The following INKA2 variants were observed in gnomAD, a reference collection of about 807,000 sequenced individuals.
The protein encoded by INKA2 is PAK4-inhibitor INKA2.
In INKA2, 3 loss-of-function variants were observed where a neutral mutation model predicts 9.8. The observed-to-expected ratio is 0.31, with a 90% CI of 0.14 to 0.79. The LOEUF (loss-of-function observed/expected upper bound fraction) is 0.79, where lower values mean the gene tolerates loss of function less well. Among genes scored for constraint, INKA2 ranks in the 30% least tolerant of loss-of-function variants. The probability of loss-of-function intolerance (pLI) is 0.62; values close to 1 mark genes in which losing one functional copy is unlikely to be tolerated. For synonymous variants in INKA2, 147 were observed against 143.3 expected (o/e 1.03, Z -0.18); for missense variants, 392 against 384.4 (o/e 1.02, Z -0.17).
intron 1 of INKA2, among the ~76,000 whole-genome samples, chr1:111,728,026 T>TC (rs79539488): frequency 0.29 from 36,452 of 127,518 alleles, 5,197 homozygotes; most frequent in African/African-American, 0.48. Flanking sequence ...CTGAGAAGGC[T>TC]CCCCCACCCC....
At position 111,726,318 on chromosome 1, in the gene INKA2, C is replaced by T. The variant is rs1177960917; in HGVS notation, c.*650G>A. The stretch of plus-strand genomic sequence containing the variant: ...GACGCGGGGAGTGTCTAGGGCTTCC[C>T]TGGCTGCTCCTTACACACTGTACTC... On this transcript the variant is annotated 3_prime_UTR_variant, in exon 2 of 2. Coordinates refer to ENST00000357260, the MANE Select transcript of INKA2 (RefSeq NM_019099.5). The T allele has an allele frequency of 8.2e-6, 3 of 367,752 alleles. No individual in the cohort carries two copies. The highest frequency in any genetic ancestry group is 3.0e-4 in the South Asian group (2 of 6,734). 22.8% of individuals were successfully genotyped at this position (367,752 alleles called of 1,614,324 possible). A position where few individuals can be genotyped will look rare whatever the true frequency, so the allele number is the denominator to read the frequency against.
At chr1:111,741,334 C>G (rs1663147102), upstream of INKA2, among the ~76,000 whole-genome samples, 1 of 152,156 alleles carries the variant, frequency 6.6e-6, no homozygotes, top group Non-Finnish European at 1.5e-5. Context: ...GGTCGGTGAC[C>G]GCTGGCCAAG....
At chr1:111,728,171 G>A (rs533962731) in intron 1 of INKA2, among the ~76,000 whole-genome samples, 1 of 152,106 alleles carries the variant, frequency 6.6e-6, no homozygotes, top group South Asian at 2.1e-4. Flanking sequence ...AGGTGGGGCT[G>A]AGATCAGCTT....
Position 111,726,729 on chromosome 1 carries a change from A to G in INKA2, c.*239T>C. 2 of 565,310 alleles carry G rather than the reference A, an allele frequency of 3.5e-6. No individual in the cohort carries two copies. The highest frequency in any genetic ancestry group is 3.2e-6 in the Non-Finnish European group (1 of 315,684). 35.0% of individuals were successfully genotyped at this position (565,310 alleles called of 1,614,324 possible). A position where few individuals can be genotyped will look rare whatever the true frequency, so the allele number is the denominator to read the frequency against. ...CACACATGCACACACACACACACAC[A>G]CGCACAGCTCACTCTCCAGCTACTC... is the stretch of plus-strand genomic sequence containing the variant. On this transcript the variant is annotated 3_prime_UTR_variant, in exon 2 of 2. Transcript: ENST00000357260.
intron 1 of INKA2, chr1:111,755,385 A>G: frequency 2.2e-6 from 1 of 446,668 alleles, no homozygotes; most frequent in Non-Finnish European, 4.0e-6. Flanking sequence ...TGGACACACC[A>G]GCCAATGTGG....
At chr1:111,754,698 A>G (rs1663487362) in intron 1 of INKA2, 1 of 152,194 alleles carries the variant, frequency 6.6e-6, no homozygotes, top group Non-Finnish European at 1.5e-5. Flanking sequence ...AGGTCCAGAA[A>G]TATTTAAATT....
intron 1 of INKA2, among the ~76,000 whole-genome samples, chr1:111,728,410 A>C (rs868714168): frequency 6.6e-6 from 1 of 152,218 alleles, no homozygotes; most frequent in African/African-American, 2.4e-5. Flanking sequence ...GTAAGCTGGA[A>C]GGGGTGAAGT....
chr1:111,744,255 C>T (rs916146423), upstream of INKA2: 6 of 152,072 alleles, frequency 3.9e-5, no homozygotes, highest in African/African-American at 1.4e-4. Flanking sequence ...ATAATCACTT[C>T]GGGTTTTAAT....
At position 111,739,115 on chromosome 1, in the gene INKA2, G is replaced by A. The variant is rs1248561767; in HGVS notation, c.57+71C>T. The stretch of plus-strand genomic sequence containing the variant: ...CTGCTTACGTCCCGGCTCCCCGGGG[G>A]CCGGGGCGGAGACCAGGTGCCCGTC... On this transcript the variant is annotated intron_variant, in intron 1 of 1. Coordinates refer to ENST00000357260, the MANE Select transcript of INKA2 (RefSeq NM_019099.5). 5 of 1,469,294 alleles carry A rather than the reference G, an allele frequency of 3.4e-6. No individual in the cohort carries two copies. In the East Asian group the frequency reaches 9.3e-5, roughly 27 times the overall value. 91.0% of individuals were successfully genotyped at this position (1,469,294 alleles called of 1,614,324 possible).
At chr1:111,738,756 C>T (rs1455179285) in intron 1 of INKA2, among the ~76,000 whole-genome samples, 2 of 152,152 alleles carry the variant, frequency 1.3e-5, no homozygotes, top group African/African-American at 4.8e-5. Flanking sequence ...CCCTCCTCCT[C>T]CCCGCGCTCC....
exon 1 of INKA2, chr1:111,755,751 A>G (rs753293565): frequency 1.2e-6 from 2 of 1,613,734 alleles, no homozygotes; most frequent in Non-Finnish European, 1.7e-6. Flanking sequence ...CTCAGGCCAC[A>G]TTTTTTGTGT....
At chr1:111,728,070 C>CACACACACACACACACACACACACACAA (rs1184555425) in intron 1 of INKA2, among the ~76,000 whole-genome samples, 1 of 148,164 alleles carries the variant, frequency 6.7e-6, no homozygotes. Context: ...CACACACACA[C>CACACACACACACACACACACACACACAA]ACAGACATTT....
At chr1:111,749,311 T>C (rs569138448) in intron 1 of INKA2, among the ~76,000 whole-genome samples, 105 of 152,304 alleles carry the variant, frequency 6.9e-4, no homozygotes, top group Non-Finnish European at 1.3e-3. Context: ...TCTGAGCTTC[T>C]GTGGCTCTGT....
upstream of INKA2, chr1:111,739,408 G>C: frequency 6.8e-7 from 1 of 1,469,290 alleles, no homozygotes; most frequent in Non-Finnish European, 9.0e-7. Flanking sequence ...TTCCCCAGCG[G>C]CTAGCCGCGC....
At chr1:111,743,377 A>G (rs1392739692), upstream of INKA2, among the ~76,000 whole-genome samples, 1 of 152,154 alleles carries the variant, frequency 6.6e-6, no homozygotes, top group African/African-American at 2.4e-5. Context: ...CCTGACAGAG[A>G]GGGTGCAGCT....
chr1:111,732,883 T>C (rs1348027626), intron 1 of INKA2, among the ~76,000 whole-genome samples: 1 of 152,180 alleles, frequency 6.6e-6, no homozygotes, highest in African/African-American at 2.4e-5. Context: ...CCCACACTCA[T>C]CTGGAGACCT....
At position 111,722,912 on chromosome 1, in the gene INKA2, C is replaced by A; in HGVS notation, c.*4056G>T. 1.7e-6 allele frequency: 1 copy of A among 580,414 alleles called. No individual in the cohort carries two copies. The highest frequency in any genetic ancestry group is 2.0e-5 in the South Asian group (1 of 49,408). The allele number at this position is 580,414 out of a possible 1,614,324, so 36.0% of individuals were successfully genotyped here. On this transcript the variant is annotated 3_prime_UTR_variant, in exon 2 of 2. Transcript: ENST00000357260. ...TGCTGAGCTTCTGCTGTATTCCAGG[C>A]AGTGCTTGGACCGTAGGTGCATTAT...
chr1:111,753,323 A>G (rs1053483267), intron 1 of INKA2: 2 of 152,218 alleles, frequency 1.3e-5, no homozygotes, highest in Admixed American at 1.3e-4. Flanking sequence ...GACACAATCA[A>G]GCCCATTTCT....
At chr1:111,739,989 G>A (rs1663106933), upstream of INKA2, 2 of 152,294 alleles carry the variant, frequency 1.3e-5, no homozygotes, top group African/African-American at 4.8e-5. Flanking sequence ...CCCCTGGCAA[G>A]GCTGTAGGGC....
Sources: allele counts gnomAD v4.1 joint callset (sites outside exome capture counted in the v4.1 genomes callset), GRCh38; gene constraint gnomAD v4.1.1; transcripts MANE v1.5; gene names NCBI Gene and HGNC (gene_info 2026-07-23, HGNC 2026-07-21).